ITIH4: variants seen among roughly 807,000 people sequenced by gnomAD.
ITIH4 encodes the protein inter-alpha-trypsin inhibitor heavy chain H4.
A neutral mutation model predicts 111.8 loss-of-function variants in ITIH4; 79 were observed. The ratio of observed to expected loss-of-function variants is 0.71; its 90% confidence interval spans 0.59 to 0.85. The LOEUF (loss-of-function observed/expected upper bound fraction) is 0.85, where lower values mean the gene tolerates loss of function less well. Ranked by LOEUF, ITIH4 falls within the 40% of genes least tolerant of loss-of-function variation. The pLI, the probability that ITIH4 is intolerant of heterozygous loss-of-function variation, is 0.00. For missense variants in ITIH4, 1,065 were observed against 1,195.8 expected, an observed-to-expected ratio of 0.89 and a Z score of 1.61; for synonymous variants, 472 against 468.3, an observed-to-expected ratio of 1.01 and a Z score of -0.10.
chr3:52,816,050 T>C (rs952170111), intron 21 of ITIH4, among the ~76,000 whole-genome samples: 3 of 152,210 alleles, frequency 2.0e-5, no homozygotes, highest in African/African-American at 7.2e-5. Context: ...TGTGCACTCA[T>C]CTGTCAAGTG....
chr3:52,827,021 A>G (rs1700492020), intron 3 of ITIH4, 68 bp from the exon 4 acceptor site: 1 of 1,612,198 alleles, frequency 6.2e-7, no homozygotes, highest in East Asian at 2.2e-5. Context: ...AGGTGGGAGC[A>G]GGACTAAGGG....
intron 11 of ITIH4, among the ~76,000 whole-genome samples, chr3:52,821,515 A>G (rs1182525703): frequency 6.6e-6 from 1 of 152,092 alleles, no homozygotes. Flanking sequence ...CTTACCCCCA[A>G]AGCTGAGGGA....
intron 17 of ITIH4, 178 bp downstream of exon 17, chr3:52,819,215 C>T (rs1316921874): frequency 1.0e-5 from 7 of 671,256 alleles, no homozygotes; most frequent in Non-Finnish European, 1.8e-5. Flanking sequence ...GCACTCCCAC[C>T]CCAGCCCCAG....
At position 52,826,560 on chromosome 3, in the gene ITIH4, G is replaced by A. The variant is rs757513969; in HGVS notation, c.611C>T (p.Thr204Ile). The A allele has an allele frequency of 4.7e-5, 76 of 1,613,714 alleles. No homozygotes were observed. The highest frequency in any genetic ancestry group is 6.1e-5 in the Non-Finnish European group (72 of 1,179,758). The change falls in exon 5 of 24, where the codon ACC (threonine) becomes ATC (isoleucine). Residue 204 changes from threonine (T) to isoleucine (I), a missense_variant. Physicochemically the swap from Thr to Ile is moderately conservative, Grantham distance 89. Transcript: ENST00000266041. Reference protein sequence around the residue: ...MTNQLVDALTTWQNKTKAHIR... With the variant: ...MTNQLVDALTIWQNKTKAHIR... ...GCCCACCTTGGTCTTATTCTGCCAG[G>A]TGGTGAGGGCGTCTACCAGCTGGTT...
intron 15 of ITIH4, 65 bp from the exon 16 acceptor site, chr3:52,819,857 G>A (rs747390697): frequency 6.2e-7 from 1 of 1,605,370 alleles, no homozygotes; most frequent in East Asian, 2.2e-5. Flanking sequence ...CCAGCCAGAG[G>A]AGCTGGGCAA....
chr3:52,814,777 T>C (rs979167614), intron 21 of ITIH4, among the ~76,000 whole-genome samples: 33 of 152,118 alleles, frequency 2.2e-4, no homozygotes, highest in African/African-American at 8.0e-4. Flanking sequence ...AGAGACAGGG[T>C]TTCACCATGT....
Position 52,824,802 on chromosome 3 carries a change from TG to T in ITIH4, c.876+39del. ...ACCACAGCTGATAGCGTGAAGGGCC[TG>T]GGAGTTTTCAGGGCCCTGCCCTGGG... On this transcript the variant is annotated intron_variant, in intron 7 of 23. Coordinates refer to ENST00000266041, the MANE Select transcript of ITIH4 (RefSeq NM_002218.5). This position sits in a 1 kb window ranked among gnomAD's most constrained non-coding sequence, Gnocchi z 4.3. The T allele has an allele frequency of 1.3e-6, 2 of 1,501,770 alleles. No individual in the cohort carries two copies. The highest frequency in any genetic ancestry group is 1.8e-5 in the Admixed American group (1 of 57,104). The allele number at this position is 1,501,770 out of a possible 1,614,324, so 93.0% of individuals were successfully genotyped here.
Position 52,819,496 on chromosome 3 carries a change from C to A in ITIH4, c.1974G>T (p.Met658Ile). The A allele has an allele frequency of 6.2e-7, 1 of 1,614,132 alleles. No individual in the cohort carries two copies. The highest frequency in any genetic ancestry group is 8.5e-7 in the Non-Finnish European group (1 of 1,180,004). The change falls in exon 17 of 24, where the codon ATG becomes ATT. Residue 658 changes from methionine (M) to isoleucine (I), a missense_variant. Coordinates refer to ENST00000266041, the MANE Select transcript of ITIH4 (RefSeq NM_002218.5). ...AGCTGAGAACCCCAGGTCTGAAATT[C>A]ATCCGGGAGCCAGCAGCTCCAGCTT... is the stretch of plus-strand genomic sequence containing the variant. ...NRQAGAAGSR[M>I]NFRPGVLSSR... is the part of the protein sequence containing the mutation.
intron 21 of ITIH4, among the ~76,000 whole-genome samples, chr3:52,815,477 G>C (rs34288509): frequency 0.086 from 13,010 of 151,732 alleles, 666 homozygotes; most frequent in Non-Finnish European, 0.11. Flanking sequence ...CCTGACCTTA[G>C]GTGATCCACC....
At chr3:52,813,886 A>G (rs917929234) in intron 23 of ITIH4, 89 bp downstream of exon 23, 4 of 1,001,072 alleles carry the variant, frequency 4.0e-6, no homozygotes, top group Non-Finnish European at 6.2e-6. Flanking sequence ...GGGCAAGGAC[A>G]GGAGTGGGGC....
chr3:52,817,933 T>C, intron 20 of ITIH4, 119 bp downstream of exon 20: 2 of 802,792 alleles, frequency 2.5e-6, no homozygotes, highest in Non-Finnish European at 2.2e-6. Flanking sequence ...GGCAGGACCA[T>C]GCTATGATCT....
In ITIH4 at chr3:52,813,181, T is replaced by TTGAGAGC. The variant is rs1700220986; in HGVS notation, c.*233_*239dup. On this transcript the variant is annotated 3_prime_UTR_variant, in exon 24 of 24. Transcript: ENST00000266041. Reference sequence around the variant, plus strand: ...CATGGGCCTTCCTGGCCATGGGCTCTTGAGAGCTGACAGTGGAAGCTTCTG... The same window carrying TTGAGAGC: ...CATGGGCCTTCCTGGCCATGGGCTCTTGAGAGCTGAGAGCTGACAGTGGAAGCTTCTG... 1.9e-6 allele frequency: 1 copy of TTGAGAGC among 520,454 alleles called. No homozygotes were observed. Among genetic ancestry groups the TTGAGAGC allele is most frequent in the Non-Finnish European group, 3.4e-6 (1 of 291,506 alleles). 32.2% of individuals were successfully genotyped at this position (520,454 alleles called of 1,614,324 possible).
chr3:52,814,171 T>C, intron 22 of ITIH4, 38 bp downstream of exon 22: 1 of 1,607,780 alleles, frequency 6.2e-7, no homozygotes, highest in Non-Finnish European at 8.5e-7. Flanking sequence ...ACAGCTGGTT[T>C]CTGAGGAAGG....
intron 21 of ITIH4, among the ~76,000 whole-genome samples, chr3:52,815,014 G>A (rs539513781): frequency 7.2e-5 from 11 of 152,292 alleles, no homozygotes; most frequent in Middle Eastern, 3.4e-3. Flanking sequence ...GTTTAATCAT[G>A]TGTTTAATGT....
chr3:52,830,563 G>C lies in ITIH4; in HGVS notation c.80C>G (p.Thr27Ser). Residue 27 changes from threonine to serine, a missense_variant, in exon 1 of 24, where the codon ACT becomes AGT. By Grantham distance (58) the Thr-to-Ser change is moderately conservative. Coordinates refer to ENST00000266041, the MANE Select transcript of ITIH4 (RefSeq NM_002218.5). ...LSLLAIHQTTTAEKNGIDIYS... is the reference protein window; with the variant it reads ...LSLLAIHQTTSAEKNGIDIYS... ...ATGGACACTGGCTACCTTTTCGGCAGTAGTAGTCTGGTGGATGGCCAGCAG... is the reference window on the plus strand; with the variant it reads ...ATGGACACTGGCTACCTTTTCGGCACTAGTAGTCTGGTGGATGGCCAGCAG... The C allele has an allele frequency of 6.2e-7, 1 of 1,614,150 alleles. No homozygotes were observed. The highest frequency in any genetic ancestry group is 2.2e-5 in the East Asian group (1 of 44,880).
At position 52,823,543 on chromosome 3, in the gene ITIH4, T is replaced by C. The variant is rs200127380; in HGVS notation, c.1539+13A>G. On this transcript the variant is annotated intron_variant, in intron 11 of 23. Transcript: ENST00000266041. ...CTGCCATTCCCCTCCAGGGTGGCTTTGGCCACACTCACCAGCTTCCCACTG... is the reference window on the plus strand; with the variant it reads ...CTGCCATTCCCCTCCAGGGTGGCTTCGGCCACACTCACCAGCTTCCCACTG... The C allele has an allele frequency of 9.4e-6, 15 of 1,588,024 alleles. No individual in the cohort carries two copies. The East Asian group carries it at 3.2e-4, about 33-fold the overall frequency.
In ITIH4 at chr3:52,829,003, C is replaced by T; in HGVS notation, c.251+116G>A. 8 of 949,146 alleles carry T rather than the reference C, an allele frequency of 8.4e-6. No individual in the cohort carries two copies. The South Asian group carries it at 1.6e-4, about 18-fold the overall frequency. The allele number at this position is 949,146 out of a possible 1,614,324, so 58.8% of individuals were successfully genotyped here. A position where few individuals can be genotyped will look rare whatever the true frequency, so the allele number is the denominator to read the frequency against. On this transcript the variant is annotated intron_variant, in intron 2 of 23. Coordinates refer to ENST00000266041, the MANE Select transcript of ITIH4 (RefSeq NM_002218.5). ...TGTGGCCCCAGGTGCAGGGTGTACT[C>T]CTGAAGATGTACACCCTGGCATGCC...
chr3:52,821,555 G>A (rs1329153617), intron 11 of ITIH4, among the ~76,000 whole-genome samples: 2 of 152,164 alleles, frequency 1.3e-5, no homozygotes, highest in African/African-American at 4.8e-5. Context: ...ACCTTCCCAG[G>A]GGTCAGAGGC....
In ITIH4 at chr3:52,813,445, A is replaced by G. The variant is rs1326680355; in HGVS notation, c.2769T>C (p.Ile923=). 1 of 1,614,078 alleles carries G rather than the reference A, an allele frequency of 6.2e-7. No homozygotes were observed. The highest frequency in any genetic ancestry group is 2.2e-5 in the East Asian group (1 of 44,882). The change falls in exon 24 of 24, where the codon ATT becomes ATC. Residue 923 remains isoleucine (I), a synonymous_variant. Transcript: ENST00000266041. ...ACTACAGCTCCACAGACCAGCAGGAAATCTCCACTCCCGGGGGCCCCTCCT... is the reference window on the plus strand; with the variant it reads ...ACTACAGCTCCACAGACCAGCAGGAGATCTCCACTCCCGGGGGCCCCTCCT... ...DYQEGPPGVE[I]SCWSVEL
Sources: allele counts gnomAD v4.1 joint callset (sites outside exome capture counted in the v4.1 genomes callset), GRCh38; gene constraint gnomAD v4.1.1; non-coding constraint Gnocchi (gnomAD v3.1); transcripts MANE v1.5; gene names NCBI Gene and HGNC (gene_info 2026-07-23, HGNC 2026-07-21).